CCN4: variants seen among roughly 807,000 people sequenced by gnomAD.
The protein encoded by CCN4 is CCN family member 4.
Under a neutral mutation model 36.7 loss-of-function variants are expected in CCN4, and 30 were observed. The observed-to-expected ratio is 0.82, with a 90% CI of 0.61 to 1.11. CCN4 has a LOEUF of 1.11. Among genes scored for constraint, CCN4 ranks in the 50% least tolerant of loss-of-function variants. The pLI is 0.00. For synonymous variants in CCN4, 191 were observed against 195.4 expected (o/e 0.98, Z 0.19); for missense variants, 505 against 504.9 (o/e 1.00, Z 0.00).
At chr8:133,202,764 A>T (rs1853633649) in intron 1 of CCN4, among the ~76,000 whole-genome samples, 1 of 152,280 alleles carries the variant, frequency 6.6e-6, no homozygotes, top group East Asian at 1.9e-4. Context: ...ACCCAGGACC[A>T]CTGTCCCAGG....
intron 1 of CCN4, among the ~76,000 whole-genome samples, chr8:133,194,309 GT>G (rs1588176811): frequency 1.6e-5 from 2 of 121,578 alleles, no homozygotes; most frequent in East Asian, 2.7e-4. Context: ...TGTGTGTGGT[GT>G]GTGTGTGTAT....
intron 3 of CCN4, among the ~76,000 whole-genome samples, chr8:133,221,508 A>G (rs1046804778): frequency 2.6e-5 from 4 of 152,000 alleles, no homozygotes; most frequent in African/African-American, 4.8e-5. Context: ...GAATGTATAA[A>G]TAGATGAGTG....
chr8:133,218,366 G>A (rs545624055), intron 2 of CCN4, among the ~76,000 whole-genome samples: 4 of 152,212 alleles, frequency 2.6e-5, no homozygotes, highest in East Asian at 1.9e-4. Context: ...AACAATAGCC[G>A]CAGCAAGGTT....
intron 2 of CCN4, among the ~76,000 whole-genome samples, chr8:133,215,079 C>A (rs918352231): frequency 3.3e-5 from 5 of 152,146 alleles, no homozygotes; most frequent in Non-Finnish European, 7.3e-5. Context: ...TCTAATTTTT[C>A]TTCTTTTACT....
intron 1 of CCN4, among the ~76,000 whole-genome samples, chr8:133,194,637 G>T (rs1853275553): frequency 1.6e-5 from 2 of 123,294 alleles, no homozygotes; most frequent in East Asian, 2.7e-4. Context: ...GGGGTGTGTG[G>T]GGTGTGTGCG....
chr8:133,194,466 G>C (rs1340414766), intron 1 of CCN4, among the ~76,000 whole-genome samples: 1 of 67,082 alleles, frequency 1.5e-5, no homozygotes, highest in Non-Finnish European at 2.5e-5. Context: ...ATGTGTGTGG[G>C]GTGTGTGTGT....
At chr8:133,211,067 C>A (rs1231370539) in intron 1 of CCN4, among the ~76,000 whole-genome samples, 2 of 152,192 alleles carry the variant, frequency 1.3e-5, no homozygotes, top group Non-Finnish European at 2.9e-5. Context: ...TATTGTGCGC[C>A]AGGTTCAGAG....
intron 1 of CCN4, among the ~76,000 whole-genome samples, chr8:133,206,068 G>C (rs541704561): frequency 1.3e-5 from 2 of 152,262 alleles, no homozygotes; most frequent in South Asian, 4.1e-4. Context: ...CCACAGGTGC[G>C]GCATGGGAGT....
In CCN4 at chr8:133,228,775, G is replaced by C. The variant is rs1460710925; in HGVS notation, c.*1065G>C. On this transcript the variant is annotated 3_prime_UTR_variant, in exon 5 of 5. Coordinates refer to ENST00000250160, the MANE Select transcript of CCN4 (RefSeq NM_003882.4). Reference sequence around the variant, plus strand: ...GCCTGGGGTGACCTCTAGAGCTGGAGGCTGTGGGACTCCAGGGGCCCCCGT... The same window carrying C: ...GCCTGGGGTGACCTCTAGAGCTGGACGCTGTGGGACTCCAGGGGCCCCCGT... 3 of 152,184 alleles carry C rather than the reference G, an allele frequency of 2.0e-5. No homozygotes were observed. Among genetic ancestry groups the C allele is most frequent in the Non-Finnish European group, 4.4e-5 (3 of 68,064 alleles). The allele number at this position is 152,184 out of a possible 1,614,324, so 9.4% of individuals were successfully genotyped here. A position where few individuals can be genotyped will look rare whatever the true frequency, so the allele number is the denominator to read the frequency against.
At chr8:133,208,029 T>C (rs1853847680) in intron 1 of CCN4, among the ~76,000 whole-genome samples, 1 of 150,618 alleles carries the variant, frequency 6.6e-6, no homozygotes, top group South Asian at 2.1e-4. Flanking sequence ...TTCTCCCTCA[T>C]GTACAGTAGT....
intron 1 of CCN4, among the ~76,000 whole-genome samples, chr8:133,194,638 GGTGTGTGC>G (rs1299632109): frequency 4.4e-5 from 5 of 112,988 alleles, no homozygotes; most frequent in East Asian, 3.2e-4. Context: ...GGGTGTGTGG[GGTGTGTGC>G]GTGTGTGCGT....
At chr8:133,204,544 A>C (rs1853699270) in intron 1 of CCN4, among the ~76,000 whole-genome samples, 1 of 152,228 alleles carries the variant, frequency 6.6e-6, no homozygotes, top group Non-Finnish European at 1.5e-5. Flanking sequence ...GAGAAACTTA[A>C]GGCGAATATT....
Position 133,198,860 on chromosome 8 carries a change from C to A in CCN4, c.69+7647C>A, listed in dbSNP as rs540879609. ...CCACCTGTGCCCTCAGGCCCCAGGG[C>A]CTTTGCACATGCTGTGCCCTCTACC... On this transcript the variant is annotated intron_variant, in intron 1 of 4. Transcript: ENST00000250160. 1.1e-4 allele frequency among the ~76,000 whole-genome samples: 16 copies of A among 152,354 alleles called. No individual in the cohort carries two copies. In the Middle Eastern group the frequency reaches 0.02, roughly 194 times the overall value.
At chr8:133,192,713 A>G (rs1029242273) in intron 1 of CCN4, among the ~76,000 whole-genome samples, 1 of 152,000 alleles carries the variant, frequency 6.6e-6, no homozygotes, top group Admixed American at 6.6e-5. Flanking sequence ...GGGCAGGGAG[A>G]GGATGGAGAA....
intron 1 of CCN4, among the ~76,000 whole-genome samples, chr8:133,204,739 G>A (rs1008022745): frequency 2.6e-5 from 4 of 152,222 alleles, no homozygotes; most frequent in Admixed American, 6.5e-5. Context: ...ATTTTTAGTA[G>A]AGACAGGGTT....
intron 2 of CCN4, among the ~76,000 whole-genome samples, chr8:133,215,912 C>A (rs1169140942): frequency 3.9e-5 from 6 of 152,036 alleles, no homozygotes; most frequent in African/African-American, 1.4e-4. Context: ...TCATAAGCTT[C>A]ATAATAAATT....
chr8:133,219,109 C>T (rs1854429417), intron 2 of CCN4, among the ~76,000 whole-genome samples: 1 of 152,144 alleles, frequency 6.6e-6, no homozygotes, highest in African/African-American at 2.4e-5. Context: ...CGTGAGTGTT[C>T]TCATGTCCTC....
rs1220596312 is a variant in CCN4 at position 133,227,932 on chromosome 8, C to T, written c.*222C>T. 2 of 554,370 alleles carry T rather than the reference C, an allele frequency of 3.6e-6. No homozygotes were observed. The highest frequency in any genetic ancestry group is 2.6e-5 in the South Asian group (1 of 38,786). 34.3% of individuals were successfully genotyped at this position (554,370 alleles called of 1,614,324 possible). On this transcript the variant is annotated 3_prime_UTR_variant, in exon 5 of 5. Coordinates refer to ENST00000250160, the MANE Select transcript of CCN4 (RefSeq NM_003882.4). ...TCAGCATCTACTCTAAAGAAAAATG[C>T]CTGTCTCTAGCTGTTCTGGACTACA...
chr8:133,212,856 C>A lies in CCN4; in HGVS notation c.70-8C>A. ...CAGCCCCCCTTTCCCTCTGCCCTCC[C>A]CCCGCAGGCCCTCTCTCCAGCCCCT... On this transcript the variant is annotated splice_region_variant and splice_polypyrimidine_tract_variant and intron_variant, in intron 1 of 4. Coordinates refer to ENST00000250160, the MANE Select transcript of CCN4 (RefSeq NM_003882.4). The A allele has an allele frequency of 6.4e-7, 1 of 1,560,954 alleles. No individual in the cohort carries two copies. The highest frequency in any genetic ancestry group is 2.3e-5 in the East Asian group (1 of 43,214).
Sources: gnomAD v4.1 joint callset for allele counts (sites outside exome capture counted in the v4.1 genomes callset) on GRCh38, gnomAD v4.1.1 for gene constraint, MANE v1.5 for transcripts, NCBI Gene and HGNC (gene_info 2026-07-23, HGNC 2026-07-21) for gene names.